The following RAB27B variants were observed in gnomAD, a reference collection of about 807,000 sequenced individuals.
RAB27B encodes the protein RAB27B, member RAS oncogene family.
A neutral mutation model predicts 24.6 loss-of-function variants in RAB27B; 15 were observed. The ratio of observed to expected loss-of-function variants is 0.61; its 90% CI spans 0.41 to 0.94. The LOEUF is 0.94. RAB27B is among the 40% of genes least tolerant of loss of function. The probability of loss-of-function intolerance (pLI) is 0.00; values close to 1 mark genes in which losing one functional copy is unlikely to be tolerated. For missense variants in RAB27B, 261 were observed against 266.8 expected, an observed-to-expected ratio of 0.98 and a Z score of 0.15; for synonymous variants, 105 against 92.5, an observed-to-expected ratio of 1.14 and a Z score of -0.78.
intron 2 of RAB27B, among the ~76,000 whole-genome samples, chr18:54,771,275 T>G (rs919565558): frequency 6.6e-6 from 1 of 152,202 alleles, no homozygotes; most frequent in Non-Finnish European, 1.5e-5. Context: ...AAACTGCACA[T>G]GTTTAATGTA....
At chr18:54,818,843 A>T (rs1910203049) in intron 2 of RAB27B, among the ~76,000 whole-genome samples, 1 of 152,208 alleles carries the variant, frequency 6.6e-6, no homozygotes, top group African/African-American at 2.4e-5. Context: ...TTTTAAAATA[A>T]ATTCTCATAA....
intron 2 of RAB27B, among the ~76,000 whole-genome samples, chr18:54,728,902 C>CAAAA (rs1568044214): frequency 2.0e-4 from 8 of 40,592 alleles, no homozygotes; most frequent in African/African-American, 2.4e-4. Flanking sequence ...AAAAAAAAAC[C>CAAAA]CAAAAAAAAA....
chr18:54,769,541 A>G (rs73960615), intron 2 of RAB27B, among the ~76,000 whole-genome samples: 8,238 of 151,604 alleles, frequency 0.054, 287 homozygotes, highest in South Asian at 0.084. Flanking sequence ...GATTTGGTCT[A>G]TTGGTTTTGT....
chr18:54,816,628 G>A (rs2145158137), intron 2 of RAB27B, among the ~76,000 whole-genome samples: 1 of 152,230 alleles, frequency 6.6e-6, no homozygotes, highest in Admixed American at 6.5e-5. Flanking sequence ...CAGTTAGTTG[G>A]AGAAAACAGG....
chr18:54,788,708 A>C (rs976362110), intron 2 of RAB27B, among the ~76,000 whole-genome samples: 3 of 152,242 alleles, frequency 2.0e-5, no homozygotes, highest in Non-Finnish European at 2.9e-5. Context: ...TAGAAAAAGA[A>C]AATAAAGAAT....
At chr18:54,777,463 C>G (rs1908752024) in intron 2 of RAB27B, among the ~76,000 whole-genome samples, 1 of 152,202 alleles carries the variant, frequency 6.6e-6, no homozygotes, top group African/African-American at 2.4e-5. Flanking sequence ...CATGCAAACT[C>G]CACCTGAGCT....
intron 2 of RAB27B, among the ~76,000 whole-genome samples, chr18:54,815,192 A>G (rs187129554): frequency 2.0e-5 from 3 of 152,322 alleles, no homozygotes; most frequent in African/African-American, 7.2e-5. Context: ...AAATGCATGG[A>G]TTATAACTAC....
chr18:54,820,577 T>G, intron 2 of RAB27B, among the ~76,000 whole-genome samples: 1 of 151,978 alleles, frequency 6.6e-6, no homozygotes, highest in Non-Finnish European at 1.5e-5. Context: ...GCCTGTTCAC[T>G]CTGATGGTAG....
At chr18:54,801,924 A>T (rs1170563944) in intron 2 of RAB27B, among the ~76,000 whole-genome samples, 3 of 152,160 alleles carry the variant, frequency 2.0e-5, no homozygotes, top group Non-Finnish European at 4.4e-5. Context: ...GCTACAGAGA[A>T]TTGAGGACAA....
intron 2 of RAB27B, among the ~76,000 whole-genome samples, chr18:54,788,316 T>G (rs1400390607): frequency 6.6e-6 from 1 of 152,202 alleles, no homozygotes; most frequent in Non-Finnish European, 1.5e-5. Context: ...GTGGTTGTGG[T>G]TGTTTTGAGA....
intron 2 of RAB27B, among the ~76,000 whole-genome samples, chr18:54,750,893 C>G (rs2145031537): frequency 6.6e-6 from 1 of 152,202 alleles, no homozygotes; most frequent in South Asian, 2.1e-4. Flanking sequence ...AAGCAAAAAG[C>G]AGAAGGCCAC....
chr18:54,762,717 C>G (rs1317725198), intron 2 of RAB27B, among the ~76,000 whole-genome samples: 1 of 152,104 alleles, frequency 6.6e-6, no homozygotes, highest in South Asian at 2.1e-4. Flanking sequence ...AAATCACATA[C>G]CTTCCTCCTC....
intron 1 of RAB27B, among the ~76,000 whole-genome samples, chr18:54,869,412 A>G (rs1912376383): frequency 6.6e-6 from 1 of 152,260 alleles, no homozygotes; most frequent in Non-Finnish European, 1.5e-5. Context: ...ATTATTGACA[A>G]GTGTCAGAGT....
intron 2 of RAB27B, among the ~76,000 whole-genome samples, chr18:54,780,022 C>T (rs1908848933): frequency 6.9e-6 from 1 of 145,876 alleles, no homozygotes; most frequent in Non-Finnish European, 1.5e-5. Flanking sequence ...CTCCCTTCTC[C>T]TGACTGCTTC....
chr18:54,850,333 G>GACATATATATATATATAT lies in RAB27B; in HGVS notation c.-20+21634_-20+21635insCATATATATATATATATA, dbSNP rs869079784. ...TATTTATTTAAAAGCAAACAAACAG[G>GACATATATATATATATAT]ATATATATATATATATATATATATA... On this transcript the variant is annotated intron_variant, in intron 1 of 5. Coordinates refer to ENST00000262094, the MANE Select transcript of RAB27B (RefSeq NM_004163.4). Among the ~76,000 whole-genome samples, 558 of 95,118 alleles carry GACATATATATATATATAT rather than the reference G, an allele frequency of 5.9e-3. 44 individuals are homozygous for GACATATATATATATATAT. The highest frequency in any genetic ancestry group is 0.022 in the East Asian group (76 of 3,414). 62.4% of individuals were successfully genotyped at this position (95,118 alleles called of 152,430 possible). A position where few individuals can be genotyped will look rare whatever the true frequency, so the allele number is the denominator to read the frequency against.
chr18:54,845,576 A>G (rs1911304379), intron 1 of RAB27B, among the ~76,000 whole-genome samples: 1 of 150,916 alleles, frequency 6.6e-6, no homozygotes, highest in Non-Finnish European at 1.5e-5. Context: ...TGTTTTTCCT[A>G]GTCTGTTCCC....
chr18:54,724,361 G>C (rs886689467), intron 2 of RAB27B, among the ~76,000 whole-genome samples: 1 of 151,498 alleles, frequency 6.6e-6, no homozygotes, highest in Non-Finnish European at 1.5e-5. Flanking sequence ...TACTAGAAAA[G>C]TTAATGCATG....
chr18:54,718,760 G>T (rs1909269225), intron 2 of RAB27B, among the ~76,000 whole-genome samples: 1 of 152,134 alleles, frequency 6.6e-6, no homozygotes, highest in Non-Finnish European at 1.5e-5. Flanking sequence ...TAAGAGAGTA[G>T]TTTGCTATTA....
At chr18:54,727,381 C>G (rs1051460729) in intron 2 of RAB27B, among the ~76,000 whole-genome samples, 4 of 152,032 alleles carry the variant, frequency 2.6e-5, no homozygotes, top group African/African-American at 9.7e-5. Context: ...AAATGTAAGT[C>G]TAAGACACAG....
Sources: gnomAD v4.1 joint callset for allele counts (sites outside exome capture counted in the v4.1 genomes callset) on GRCh38, gnomAD v4.1.1 for gene constraint, MANE v1.5 for transcripts, NCBI Gene and HGNC (gene_info 2026-07-23, HGNC 2026-07-21) for gene names.